Variants in ATP6V0A4 observed in about 807,000 individuals in gnomAD.
ATP6V0A4 encodes the protein V-type proton ATPase 116 kDa subunit a 4.
Under a neutral mutation model 107.3 loss-of-function variants are expected in ATP6V0A4, and 86 were observed. That is an observed-to-expected ratio of 0.80 (90% CI 0.67 to 0.96). The LOEUF (loss-of-function observed/expected upper bound fraction) is 0.96, where lower values mean the gene tolerates loss of function less well. Ranked by LOEUF, ATP6V0A4 falls within the 40% of genes least tolerant of loss-of-function variation. The pLI, the probability that ATP6V0A4 is intolerant of heterozygous loss-of-function variation, is 0.00. For synonymous variants in ATP6V0A4, 353 were observed against 381.4 expected (o/e 0.93, Z 0.87); for missense variants, 908 against 1,045.6 (o/e 0.87, Z 1.81).
rs1047751751 is a variant in ATP6V0A4, at chr7:138,733,233, C to T, written c.1692-140G>A. On this transcript the variant is annotated intron_variant, in intron 16 of 21. Coordinates refer to ENST00000310018, the MANE Select transcript of ATP6V0A4 (RefSeq NM_020632.3). Reference sequence around the variant, plus strand: ...TACTGGCAAACAACGGCACCCCCCACCCCCCCAGCAAACAGCAATCCTGTA... The same window carrying T: ...TACTGGCAAACAACGGCACCCCCCATCCCCCCAGCAAACAGCAATCCTGTA... The T allele has an allele frequency of 1.3e-5, 18 of 1,366,232 alleles. No individual in the cohort carries two copies. In the South Asian group the frequency reaches 1.4e-4, roughly 10 times the overall value. 84.6% of individuals were successfully genotyped at this position (1,366,232 alleles called of 1,614,324 possible). A position where few individuals can be genotyped will look rare whatever the true frequency, so the allele number is the denominator to read the frequency against.
At position 138,756,396 on chromosome 7, in the gene ATP6V0A4, C is replaced by T. The variant is rs926378377; in HGVS notation, c.722+62G>A. On this transcript the variant is annotated intron_variant, in intron 9 of 21. Coordinates refer to ENST00000310018, the MANE Select transcript of ATP6V0A4 (RefSeq NM_020632.3). ...CCACAGTCATGTGCATTTGGCATTG[C>T]ACATCTCTTTATCTAATCCTGGCCC... 3 of 1,610,856 alleles carry T rather than the reference C, an allele frequency of 1.9e-6. No individual in the cohort carries two copies. In the African/African-American group the frequency reaches 4.0e-5, roughly 22 times the overall value.
At chr7:138,707,693 C>A (rs939373378) in intron 21 of ATP6V0A4, among the ~76,000 whole-genome samples, 1 of 151,436 alleles carries the variant, frequency 6.6e-6, no homozygotes, top group Admixed American at 6.6e-5. Context: ...TAAGCCACTG[C>A]ATCCAGGCCA....
At chr7:138,764,211 C>T (rs1806974572) in intron 5 of ATP6V0A4, among the ~76,000 whole-genome samples, 1 of 151,528 alleles carries the variant, frequency 6.6e-6, no homozygotes. Flanking sequence ...TAATGATGAT[C>T]TCGAAGGGAA....
chr7:138,742,548 G>A (rs975138632), intron 14 of ATP6V0A4, among the ~76,000 whole-genome samples: 5 of 152,048 alleles, frequency 3.3e-5, no homozygotes, highest in African/African-American at 7.2e-5. Context: ...TGTTTGAGAC[G>A]GGGTCTTGCT....
chr7:138,787,208 C>T (rs899423174), intron 1 of ATP6V0A4, among the ~76,000 whole-genome samples: 4 of 152,168 alleles, frequency 2.6e-5, no homozygotes, highest in Non-Finnish European at 4.4e-5. Context: ...ACTTAACACC[C>T]CTTTGTGTTA....
At chr7:138,779,770 A>G (rs758408521) in intron 2 of ATP6V0A4, among the ~76,000 whole-genome samples, 1 of 152,240 alleles carries the variant, frequency 6.6e-6, no homozygotes, top group Non-Finnish European at 1.5e-5. Context: ...AACAATAGTT[A>G]AATACTGATA....
intron 2 of ATP6V0A4, among the ~76,000 whole-genome samples, chr7:138,779,469 A>C (rs186057736): frequency 6.6e-6 from 1 of 152,296 alleles, no homozygotes; most frequent in African/African-American, 2.4e-5. Context: ...AAATACCCCC[A>C]CAGGTACATC....
At chr7:138,753,751 G>A (rs190022277) in intron 10 of ATP6V0A4, among the ~76,000 whole-genome samples, 2 of 152,274 alleles carry the variant, frequency 1.3e-5, no homozygotes, top group East Asian at 3.9e-4. Flanking sequence ...CATCTCACAA[G>A]CCCAATACTA....
At position 138,748,363 on chromosome 7, in the gene ATP6V0A4, C is replaced by T. The variant is rs115144252; in HGVS notation, c.1181-799G>A. 1.0e-2 allele frequency among the ~76,000 whole-genome samples: 1,516 copies of T among 152,184 alleles called. 35 individuals are homozygous for T. Among genetic ancestry groups the T allele is most frequent in the African/African-American group, 0.035 (1,436 of 41,510 alleles). On this transcript the variant is annotated intron_variant, in intron 12 of 21. Coordinates refer to ENST00000310018, the MANE Select transcript of ATP6V0A4 (RefSeq NM_020632.3). ...AGGCTGGAGAAGAACAATCACCATG[C>T]ACTCCTTGGATAAAGGGTATCTGGT...
In ATP6V0A4 at chr7:138,783,989, G is replaced by A. The variant is rs563634745; in HGVS notation, c.-18+2169C>T. On this transcript the variant is annotated intron_variant, in intron 2 of 21. Coordinates refer to ENST00000310018, the MANE Select transcript of ATP6V0A4 (RefSeq NM_020632.3). ...ACTGTGAACCTCAAGAGTAAAGGAA[G>A]AAGGAAAGGAGGAGAGAAGAACCAA... 2.0e-5 allele frequency among the ~76,000 whole-genome samples: 3 copies of A among 152,022 alleles called. No individual in the cohort carries two copies. In the East Asian group the frequency reaches 5.8e-4, roughly 29 times the overall value.
intron 19 of ATP6V0A4, among the ~76,000 whole-genome samples, chr7:138,718,449 A>T: frequency 1.9e-5 from 1 of 52,846 alleles, no homozygotes; most frequent in African/African-American, 8.7e-5. Context: ...GGAGGGAGAC[A>T]TCCAGGAAGG....
intron 17 of ATP6V0A4, among the ~76,000 whole-genome samples, chr7:138,732,498 A>G (rs930853681): frequency 6.6e-6 from 1 of 152,104 alleles, no homozygotes; most frequent in African/African-American, 2.4e-5. Flanking sequence ...TGCAACACTC[A>G]AGAGTAGGAG....
In ATP6V0A4 at chr7:138,784,235, CGTATAT is replaced by C. The variant is rs59043490; in HGVS notation, c.-18+1917_-18+1922del. Among the ~76,000 whole-genome samples, 114 of 90,970 alleles carry C rather than the reference CGTATAT, an allele frequency of 1.3e-3. 2 individuals carry two copies. Among genetic ancestry groups the C allele is most frequent in the African/African-American group, 5.8e-3 (87 of 15,006 alleles). The allele number at this position is 90,970 out of a possible 152,430, so 59.7% of individuals were successfully genotyped here. A position where few individuals can be genotyped will look rare whatever the true frequency, so the allele number is the denominator to read the frequency against. ...AACATTATATATATATATATATATACGTATATATATATATATACATATATATATATA... is the reference window on the plus strand; with the variant it reads ...AACATTATATATATATATATATATACATATATATATACATATATATATATA... On this transcript the variant is annotated intron_variant, in intron 2 of 21. Transcript: ENST00000310018.
chr7:138,757,291 G>A (rs1806558723), intron 8 of ATP6V0A4, among the ~76,000 whole-genome samples: 1 of 152,148 alleles, frequency 6.6e-6, no homozygotes, highest in South Asian at 2.1e-4. Flanking sequence ...TAAGGCGGGT[G>A]GATGGCTTGA....
chr7:138,739,872 G>A (rs993146867), intron 14 of ATP6V0A4, among the ~76,000 whole-genome samples: 41 of 152,200 alleles, frequency 2.7e-4, no homozygotes, highest in African/African-American at 9.4e-4. Context: ...GCCGGGAGCA[G>A]TGGCTTACAT....
In ATP6V0A4 at chr7:138,762,886, C is replaced by G. The variant is rs141824671; in HGVS notation, c.417+14G>C. 0.014 allele frequency: 21,905 copies of G among 1,613,800 alleles called. 185 individuals are homozygous for G. The highest frequency in any genetic ancestry group is 0.016 in the Admixed American group (934 of 60,010). On this transcript the variant is annotated intron_variant, in intron 6 of 21. Transcript: ENST00000310018. ...AGGAACGGGCCCTTTAGTAACTCAT[C>G]CCCACGTGACCACCTCAAAGAAGTC...
In ATP6V0A4 at chr7:138,749,321, GAA is replaced by G. The variant is rs752113040; in HGVS notation, c.1030-6_1030-5del. On this transcript the variant is annotated splice_polypyrimidine_tract_variant and splice_region_variant and intron_variant, in intron 11 of 21. Transcript: ENST00000310018. ...CCATGGAGGAGCCACTTAGTTCCTG[GAA>G]AAAAAAAAAAAAGCGACAAAGATGT... 0.018 allele frequency: 25,925 copies of G among 1,465,068 alleles called. 10 individuals carry two copies. The highest frequency in any genetic ancestry group is 0.042 in the South Asian group (3,597 of 84,806). The allele number at this position is 1,465,068 out of a possible 1,614,324, so 90.8% of individuals were successfully genotyped here.
intron 20 of ATP6V0A4, among the ~76,000 whole-genome samples, chr7:138,710,294 C>T (rs1374541429): frequency 3.3e-5 from 5 of 150,242 alleles, no homozygotes; most frequent in Admixed American, 2.7e-4. Flanking sequence ...CGAGTTCAAG[C>T]AATTCTCCTG....
At chr7:138,709,005 T>C (rs1282028658) in intron 21 of ATP6V0A4, among the ~76,000 whole-genome samples, 1 of 152,038 alleles carries the variant, frequency 6.6e-6, no homozygotes, top group Non-Finnish European at 1.5e-5. Context: ...GGCCAAGAGT[T>C]CGAGACCAGC....
Sources: allele counts gnomAD v4.1 joint callset (sites outside exome capture counted in the v4.1 genomes callset), GRCh38; gene constraint gnomAD v4.1.1; transcripts MANE v1.5; gene names NCBI Gene and HGNC (gene_info 2026-07-23, HGNC 2026-07-21).